The following DACH2 variants were observed in gnomAD, a reference collection of about 807,000 sequenced individuals.
DACH2 encodes dachshund family transcription factor 2, also known as dachshund homolog 2.
DACH2 carries 17 observed loss-of-function variants against 35.8 expected under a neutral mutation model. The ratio of observed to expected loss-of-function variants is 0.48; its 90% CI spans 0.33 to 0.71. The LOEUF is 0.71. Among genes scored for constraint, DACH2 ranks in the 30% least tolerant of loss-of-function variants. The pLI is 0.02. For synonymous variants in DACH2, 195 were observed against 177.3 expected, an observed-to-expected ratio of 1.10 and a Z score of -0.79; for missense variants, 469 against 472.7, an observed-to-expected ratio of 0.99 and a Z score of 0.07.
At chrX:86,301,778 A>T (rs899480245) in intron 1 of DACH2, among the ~76,000 whole-genome samples, 1 of 112,176 alleles carries the variant, frequency 8.9e-6, no homozygotes, top group Non-Finnish European at 1.9e-5. Context: ...TTTTTATCTT[A>T]TCAGTATATT....
At chrX:86,530,126 T>C (rs1357271948) in intron 3 of DACH2, among the ~76,000 whole-genome samples, 3 of 111,321 alleles carry the variant, frequency 2.7e-5, no homozygotes, top group Admixed American at 9.6e-5. Context: ...ATAAAGCATA[T>C]TAGCCCATTC....
At chrX:86,524,834 T>TTGGTGA (rs1245154372) in intron 3 of DACH2, among the ~76,000 whole-genome samples, 1 of 111,028 alleles carries the variant, frequency 9.0e-6, no homozygotes. Context: ...CTATAGGATG[T>TTGGTGA]TGGTGATGGT....
rs1602242860 is a variant in DACH2, at chrX:86,160,725, T to G, written c.488+11617T>G. The G allele has an allele frequency of 3.9e-5, 18 of 464,757 alleles. No individual in the cohort carries two copies. In the East Asian group the frequency reaches 6.5e-4, roughly 17 times the overall value. The allele number at this position is 464,757 out of a possible 1,213,427, so 38.3% of individuals were successfully genotyped here. A position where few individuals can be genotyped will look rare whatever the true frequency, so the allele number is the denominator to read the frequency against. On this transcript the variant is annotated intron_variant, in intron 1 of 11. Transcript: ENST00000373125. ...TTGTTCCCAGGAATAAAGCTTTATT[T>G]CATTTCACTCGAAGCTTTATTTTAT... is the stretch of plus-strand genomic sequence containing the variant.
intron 3 of DACH2, among the ~76,000 whole-genome samples, chrX:86,630,557 T>C (rs1049614742): frequency 9.0e-6 from 1 of 111,315 alleles, no homozygotes; most frequent in African/African-American, 3.3e-5. Context: ...AGATGCTCTT[T>C]TAACATTTTG....
intron 1 of DACH2, among the ~76,000 whole-genome samples, chrX:86,306,533 A>G (rs1052954284): frequency 2.7e-5 from 3 of 111,913 alleles, no homozygotes; most frequent in Non-Finnish European, 5.6e-5. Flanking sequence ...AGGCAAATCC[A>G]GCCTTAATCT....
chrX:86,243,518 G>A (rs990509278), intron 1 of DACH2, among the ~76,000 whole-genome samples: 7 of 111,267 alleles, frequency 6.3e-5, no homozygotes, highest in African/African-American at 2.3e-4. Flanking sequence ...TCATTTTCTG[G>A]TCATTACCTG....
At chrX:86,337,083 G>C (rs2035325530) in intron 1 of DACH2, among the ~76,000 whole-genome samples, 1 of 110,804 alleles carries the variant, frequency 9.0e-6, no homozygotes, top group South Asian at 3.8e-4. Context: ...TATGTGAAAA[G>C]ATCAAATCTA....
intron 1 of DACH2, among the ~76,000 whole-genome samples, chrX:86,254,032 G>C (rs2033453026): frequency 8.9e-6 from 1 of 112,109 alleles, no homozygotes; most frequent in Admixed American, 9.5e-5. Context: ...TTATCAATCA[G>C]TGAATATTAA....
At chrX:86,520,651 A>G (rs1041940128) in intron 3 of DACH2, among the ~76,000 whole-genome samples, 2 of 111,593 alleles carry the variant, frequency 1.8e-5, no homozygotes, top group African/African-American at 3.3e-5. Context: ...CTTTACCATT[A>G]TGTAATGCCC....
chrX:86,556,791 TATATAGAG>T (rs1313500794), intron 3 of DACH2, among the ~76,000 whole-genome samples: 39 of 35,651 alleles, frequency 1.1e-3, no homozygotes, highest in Non-Finnish European at 1.4e-3. Flanking sequence ...TATATATATA[TATATAGAG>T]AGAGAGAGAG....
At chrX:86,466,127 A>T (rs1218145952) in intron 2 of DACH2, among the ~76,000 whole-genome samples, 7 of 111,638 alleles carry the variant, frequency 6.3e-5, no homozygotes, top group Admixed American at 3.8e-4. Flanking sequence ...TCATGGTGGG[A>T]GGTAAAAGGT....
At chrX:86,315,594 G>A (rs987380827) in intron 1 of DACH2, among the ~76,000 whole-genome samples, 6 of 111,748 alleles carry the variant, frequency 5.4e-5, no homozygotes, top group African/African-American at 2.0e-4. Context: ...TTGCCATTAA[G>A]AACATTTGTG....
At chrX:86,636,317 G>A (rs918310345) in intron 3 of DACH2, among the ~76,000 whole-genome samples, 11 of 110,812 alleles carry the variant, frequency 9.9e-5, no homozygotes, top group African/African-American at 3.3e-4. Flanking sequence ...GCGTAGTGAC[G>A]GGTGCCTGTA....
At chrX:86,521,942 A>T (rs1206300015) in intron 3 of DACH2, among the ~76,000 whole-genome samples, 1 of 111,763 alleles carries the variant, frequency 8.9e-6, no homozygotes, top group Non-Finnish European at 1.9e-5. Flanking sequence ...TAATTTATAT[A>T]GCTTGACATG....
At chrX:86,747,972 C>A (rs1012326975) in intron 7 of DACH2, among the ~76,000 whole-genome samples, 5 of 112,281 alleles carry the variant, frequency 4.5e-5, no homozygotes, top group Admixed American at 1.9e-4. Flanking sequence ...CAACAGTGTT[C>A]ACAACATTTT....
chrX:86,461,839 T>C (rs183019309), intron 2 of DACH2, among the ~76,000 whole-genome samples: 40 of 112,029 alleles, frequency 3.6e-4, no homozygotes, highest in African/African-American at 1.2e-3. Flanking sequence ...TATTGTGCTT[T>C]ATTTTTTTGA....
At chrX:86,537,867 G>T (rs1236396209) in intron 3 of DACH2, among the ~76,000 whole-genome samples, 1 of 111,314 alleles carries the variant, frequency 9.0e-6, no homozygotes, top group African/African-American at 3.3e-5. Context: ...AAAATGGCCG[G>T]TTCCTGCCTT....
intron 2 of DACH2, among the ~76,000 whole-genome samples, chrX:86,507,336 A>G (rs186114403): frequency 2.3e-3 from 256 of 111,290 alleles, no homozygotes; most frequent in East Asian, 5.7e-3. Context: ...GACTTCATTT[A>G]TCAGGCATGG....
At chrX:86,255,308 A>G (rs552274580) in intron 1 of DACH2, among the ~76,000 whole-genome samples, 2 of 112,102 alleles carry the variant, frequency 1.8e-5, no homozygotes, top group African/African-American at 6.5e-5. Context: ...TTCTCATCTT[A>G]GCATACAGAA....
Sources: allele counts gnomAD v4.1 joint callset (sites outside exome capture counted in the v4.1 genomes callset), GRCh38; gene constraint gnomAD v4.1.1; transcripts MANE v1.5; gene names NCBI Gene and HGNC (gene_info 2026-07-23, HGNC 2026-07-21).